The following LRRTM4 variants were observed in gnomAD, a reference collection of about 807,000 sequenced individuals.
LRRTM4 encodes leucine rich repeat transmembrane neuronal 4, also known as leucine-rich repeat transmembrane neuronal protein 4.
Under a neutral mutation model 47.6 loss-of-function variants are expected in LRRTM4, and 25 were observed. The observed-to-expected ratio is 0.53, with a 90% CI of 0.38 to 0.73. The LOEUF is 0.73. LRRTM4 is among the 30% of genes least tolerant of loss of function. The probability of loss-of-function intolerance (pLI) is 0.00; values close to 1 mark genes in which losing one functional copy is unlikely to be tolerated. For missense variants in LRRTM4, 638 were observed against 713.4 expected, an observed-to-expected ratio of 0.89 and a Z score of 1.20; for synonymous variants, 311 against 269.5, an observed-to-expected ratio of 1.15 and a Z score of -1.51.
chr2:77,461,897 T>C (rs1676802608), intron 3 of LRRTM4, among the ~76,000 whole-genome samples: 1 of 152,140 alleles, frequency 6.6e-6, no homozygotes, highest in Non-Finnish European at 1.5e-5. Flanking sequence ...TGCTTTCTTT[T>C]AGCAAAAACT....
At chr2:77,333,250 G>C (rs1314477625) in intron 3 of LRRTM4, among the ~76,000 whole-genome samples, 1 of 152,164 alleles carries the variant, frequency 6.6e-6, no homozygotes. Context: ...CAGGAGTGGG[G>C]TTCTTCTATA....
At chr2:77,244,531 T>A (rs1675376532) in intron 3 of LRRTM4, among the ~76,000 whole-genome samples, 1 of 152,140 alleles carries the variant, frequency 6.6e-6, no homozygotes, top group African/African-American at 2.4e-5. Flanking sequence ...TTGGTAGATA[T>A]CTGAAAATAG....
chr2:77,308,469 A>G (rs1677352097), intron 3 of LRRTM4, among the ~76,000 whole-genome samples: 1 of 152,086 alleles, frequency 6.6e-6, no homozygotes, highest in Non-Finnish European at 1.5e-5. Flanking sequence ...GCCCCTTTTA[A>G]TTTGAGGAAT....
At chr2:77,020,712 T>C (rs557015093) in intron 3 of LRRTM4, among the ~76,000 whole-genome samples, 3 of 152,088 alleles carry the variant, frequency 2.0e-5, no homozygotes, top group African/African-American at 7.2e-5. Context: ...GAAGGTCAAG[T>C]AGATACTCTG....
intron 3 of LRRTM4, among the ~76,000 whole-genome samples, chr2:76,826,712 G>A (rs1266985152): frequency 2.6e-5 from 4 of 151,744 alleles, no homozygotes; most frequent in Non-Finnish European, 4.4e-5. Flanking sequence ...CATAAAAGCA[G>A]AAATAAAAGG....
intron 3 of LRRTM4, among the ~76,000 whole-genome samples, chr2:76,876,314 T>C (rs1054750799): frequency 2.0e-5 from 3 of 152,162 alleles, no homozygotes; most frequent in African/African-American, 4.8e-5. Flanking sequence ...ATGCTGAATT[T>C]CAGAAGCATA....
At chr2:77,454,008 T>C (rs1676365670) in intron 3 of LRRTM4, among the ~76,000 whole-genome samples, 1 of 152,188 alleles carries the variant, frequency 6.6e-6, no homozygotes, top group African/African-American at 2.4e-5. Flanking sequence ...TTGAATACCT[T>C]ACACAATGGA....
chr2:77,147,442 A>G (rs1672289766), intron 3 of LRRTM4, among the ~76,000 whole-genome samples: 1 of 152,166 alleles, frequency 6.6e-6, no homozygotes, highest in African/African-American at 2.4e-5. Flanking sequence ...GTGGACTCCA[A>G]GGGGTTTATT....
In LRRTM4 at chr2:77,018,667, T is replaced by A. The variant is rs183752913; in HGVS notation, c.1552-269751A>T. ...TTCTTTCCTGAAGTTAAATTTTGAA[T>A]TACTAATAGTTCAGAAGTACAGCTG... On this transcript the variant is annotated intron_variant, in intron 3 of 3. Transcript: ENST00000409884. Among the ~76,000 whole-genome samples the A allele has an allele frequency of 8.5e-5, 13 of 152,302 alleles. No individual in the cohort carries two copies. The East Asian group carries it at 2.3e-3, about 27-fold the overall frequency.
intron 3 of LRRTM4, among the ~76,000 whole-genome samples, chr2:77,243,516 T>C (rs1329072074): frequency 6.6e-6 from 1 of 151,654 alleles, no homozygotes; most frequent in Admixed American, 6.6e-5. Context: ...GAAAGTAGAA[T>C]GGTGGTTTCC....
chr2:77,235,232 C>A (rs1018977389), intron 3 of LRRTM4, among the ~76,000 whole-genome samples: 1 of 151,850 alleles, frequency 6.6e-6, no homozygotes, highest in East Asian at 1.9e-4. Context: ...ATAATAATAC[C>A]CATTCTGACT....
At chr2:76,896,868 T>G (rs935048114) in intron 3 of LRRTM4, among the ~76,000 whole-genome samples, 4 of 147,596 alleles carry the variant, frequency 2.7e-5, no homozygotes, top group Non-Finnish European at 4.5e-5. Context: ...AAAGATAGAG[T>G]TAAATAATCA....
intron 3 of LRRTM4, among the ~76,000 whole-genome samples, chr2:77,184,080 T>C (rs10184714): frequency 0.11 from 17,263 of 151,458 alleles, 2,623 homozygotes; most frequent in African/African-American, 0.36. Flanking sequence ...CTTAAAAGTA[T>C]AATACAAAAA....
intron 3 of LRRTM4, among the ~76,000 whole-genome samples, chr2:76,863,883 G>A (rs376171607): frequency 2.3e-4 from 35 of 152,238 alleles, no homozygotes; most frequent in African/African-American, 8.2e-4. Flanking sequence ...GGCTGCATGA[G>A]ATTCAAAAAG....
chr2:76,769,978 G>A (rs983175091), intron 3 of LRRTM4, among the ~76,000 whole-genome samples: 7 of 152,044 alleles, frequency 4.6e-5, no homozygotes, highest in Non-Finnish European at 8.8e-5. Context: ...AGACCTACTC[G>A]ATCAAACCTC....
chr2:77,355,101 A>C (rs536552754), intron 3 of LRRTM4, among the ~76,000 whole-genome samples: 3 of 152,348 alleles, frequency 2.0e-5, no homozygotes, highest in South Asian at 4.1e-4. Flanking sequence ...CAAACATTCC[A>C]GTTTCTAATA....
At chr2:77,230,861 C>T (rs6724894) in intron 3 of LRRTM4, among the ~76,000 whole-genome samples, 29,436 of 151,850 alleles carry the variant, frequency 0.19, 5,416 homozygotes, top group African/African-American at 0.48. Context: ...AAAAAAATAA[C>T]ACAAACTATC....
chr2:77,318,640 G>A (rs1180311983), intron 3 of LRRTM4, among the ~76,000 whole-genome samples: 1 of 152,158 alleles, frequency 6.6e-6, no homozygotes, highest in African/African-American at 2.4e-5. Context: ...GGTAAAGGAA[G>A]AGGCAATATC....
Position 76,816,819 on chromosome 2 carries a change from G to GTTTTTTTTTTTTTTTTTTTT in LRRTM4, c.1552-67923_1552-67904dup, listed in dbSNP as rs201525166. 6.2e-5 allele frequency among the ~76,000 whole-genome samples: 6 copies of GTTTTTTTTTTTTTTTTTTTT among 96,520 alleles called. 1 individual carries two copies. The highest frequency in any genetic ancestry group is 2.4e-4 in the East Asian group (1 of 4,188). The allele number at this position is 96,520 out of a possible 152,430, so 63.3% of individuals were successfully genotyped here. On this transcript the variant is annotated intron_variant, in intron 3 of 3. Coordinates refer to ENST00000409884, the MANE Select transcript of LRRTM4 (RefSeq NM_001134745.3). ...CACTGCTTTTACTTAGAGGTAAAGAGTTTTTTTTTTTTTTTTTTTTTTTTT... is the reference window on the plus strand; with the variant it reads ...CACTGCTTTTACTTAGAGGTAAAGAGTTTTTTTTTTTTTTTTTTTTTTTTTTTTTTTTTTTTTTTTTTTTT...
Sources: allele counts gnomAD v4.1 joint callset (sites outside exome capture counted in the v4.1 genomes callset), GRCh38; gene constraint gnomAD v4.1.1; transcripts MANE v1.5; gene names NCBI Gene and HGNC (gene_info 2026-07-23, HGNC 2026-07-21).